The following GRID2 variants were observed in gnomAD, a reference collection of about 807,000 sequenced individuals.
GRID2 encodes the protein glutamate ionotropic receptor delta type subunit 2.
A neutral mutation model predicts 114.8 loss-of-function variants in GRID2; 33 were observed. The observed-to-expected ratio is 0.29, with a 90% confidence interval of 0.22 to 0.38. The LOEUF (loss-of-function observed/expected upper bound fraction) is 0.38. Ranked by LOEUF, GRID2 falls within the 10% of genes least tolerant of loss-of-function variation. GRID2 has a pLI of 1.00. For missense variants in GRID2, 1,184 were observed against 1,257.7 expected (o/e 0.94, Z 0.89); for synonymous variants, 505 against 449.9 (o/e 1.12, Z -1.55).
chr4:93,226,289 C>A (rs148064691), intron 7 of GRID2, among the ~76,000 whole-genome samples: 1 of 152,110 alleles, frequency 6.6e-6, no homozygotes, highest in Non-Finnish European at 1.5e-5. Context: ...TTCATCATGA[C>A]GCAAATTTCT....
chr4:93,616,498 G>C (rs1741660100), intron 13 of GRID2, among the ~76,000 whole-genome samples: 1 of 149,186 alleles, frequency 6.7e-6, no homozygotes, highest in East Asian at 2.0e-4. Context: ...AGTGGTCTCA[G>C]ACGAGCTACT....
At chr4:92,849,481 T>TTG (rs1456956641) in intron 2 of GRID2, among the ~76,000 whole-genome samples, 1 of 151,944 alleles carries the variant, frequency 6.6e-6, no homozygotes, top group Admixed American at 6.6e-5. Flanking sequence ...AAGGCATGAC[T>TTG]TGGCTAAAAT....
intron 4 of GRID2, among the ~76,000 whole-genome samples, chr4:93,160,708 C>T (rs1462834377): frequency 1.3e-5 from 2 of 151,694 alleles, no homozygotes; most frequent in Non-Finnish European, 2.9e-5. Flanking sequence ...CATTCTGTAT[C>T]GTGTAGGCAT....
intron 9 of GRID2, among the ~76,000 whole-genome samples, chr4:93,399,032 G>C (rs1327575995): frequency 6.6e-6 from 1 of 151,684 alleles, no homozygotes; most frequent in Non-Finnish European, 1.5e-5. Context: ...ACCCCACCCA[G>C]CAACTCCCGA....
chr4:92,475,605 G>A (rs1722266859), intron 1 of GRID2, among the ~76,000 whole-genome samples: 1 of 151,922 alleles, frequency 6.6e-6, no homozygotes, highest in Non-Finnish European at 1.5e-5. Context: ...TCCAGGTAGA[G>A]AGATGCCTCC....
At chr4:93,213,884 C>T (rs1743869965) in intron 5 of GRID2, among the ~76,000 whole-genome samples, 1 of 151,954 alleles carries the variant, frequency 6.6e-6, no homozygotes, top group African/African-American at 2.4e-5. Context: ...AATATTTTGT[C>T]GGACATATTG....
intron 4 of GRID2, among the ~76,000 whole-genome samples, chr4:93,152,662 C>T (rs763004076): frequency 3.3e-5 from 5 of 152,114 alleles, no homozygotes; most frequent in East Asian, 1.9e-4. Context: ...TGTCATGAGC[C>T]GTGATAGTAA....
intron 2 of GRID2, among the ~76,000 whole-genome samples, chr4:93,047,883 C>A (rs6811095): frequency 0.47 from 69,888 of 147,294 alleles, 17,065 homozygotes; most frequent in African/African-American, 0.61. Context: ...AACAAACAAA[C>A]AAAAAAAACA....
chr4:93,560,858 G>T (rs1238173770), intron 13 of GRID2, among the ~76,000 whole-genome samples: 3 of 151,460 alleles, frequency 2.0e-5, no homozygotes, highest in Non-Finnish European at 4.4e-5. Context: ...TTTACCCACG[G>T]TTTCTATTTT....
intron 2 of GRID2, among the ~76,000 whole-genome samples, chr4:92,968,804 A>G (rs894858886): frequency 2.6e-5 from 4 of 151,754 alleles, no homozygotes; most frequent in African/African-American, 9.7e-5. Flanking sequence ...TCTATTATGT[A>G]TTTGTGGTCT....
chr4:92,922,964 T>G (rs1749489399), intron 2 of GRID2, among the ~76,000 whole-genome samples: 1 of 152,224 alleles, frequency 6.6e-6, no homozygotes, highest in African/African-American at 2.4e-5. Context: ...TTCTGTGCAC[T>G]TGCTATGCTG....
chr4:92,803,836 A>G (rs1271491512), intron 2 of GRID2, among the ~76,000 whole-genome samples: 2 of 152,168 alleles, frequency 1.3e-5, no homozygotes, highest in Non-Finnish European at 2.9e-5. Context: ...TCAAATGACA[A>G]TGAGACTTTA....
At chr4:92,599,574 T>C (rs1470767771) in intron 2 of GRID2, among the ~76,000 whole-genome samples, 1 of 152,170 alleles carries the variant, frequency 6.6e-6, no homozygotes, top group African/African-American at 2.4e-5. Flanking sequence ...ACACATGATA[T>C]CATGTTATTT....
chr4:92,857,525 A>T (rs1442914360), intron 2 of GRID2, among the ~76,000 whole-genome samples: 1 of 152,222 alleles, frequency 6.6e-6, no homozygotes, highest in Non-Finnish European at 1.5e-5. Flanking sequence ...TCAAAGCCCT[A>T]ATGCAGAGCA....
chr4:93,340,644 A>G (rs1203189270), intron 8 of GRID2, among the ~76,000 whole-genome samples: 2 of 152,156 alleles, frequency 1.3e-5, no homozygotes. Flanking sequence ...GTGATGCACT[A>G]CACACTGTTC....
At chr4:93,265,572 T>TGGTCA (rs1437352897) in intron 8 of GRID2, among the ~76,000 whole-genome samples, 1 of 152,210 alleles carries the variant, frequency 6.6e-6, no homozygotes, top group African/African-American at 2.4e-5. Flanking sequence ...GGCATATTTC[T>TGGTCA]GGTCAGAGAA....
chr4:92,769,349 G>T (rs1264350525), intron 2 of GRID2, among the ~76,000 whole-genome samples: 1 of 152,182 alleles, frequency 6.6e-6, no homozygotes, highest in Non-Finnish European at 1.5e-5. Flanking sequence ...CCTCTCACCT[G>T]CTTTCATGGG....
chr4:93,457,627 G>T (rs1263125182), intron 11 of GRID2, among the ~76,000 whole-genome samples: 3 of 152,132 alleles, frequency 2.0e-5, no homozygotes, highest in African/African-American at 7.2e-5. Context: ...GATGTGGCTT[G>T]CTCAAAGGTA....
At chr4:93,484,484 T>G (rs1726185294) in intron 11 of GRID2, among the ~76,000 whole-genome samples, 2 of 151,916 alleles carry the variant, frequency 1.3e-5, no homozygotes, top group Admixed American at 1.3e-4. Context: ...TGAATGAAAT[T>G]TAACAGAGTT....
Sources: gnomAD v4.1 joint callset for allele counts (sites outside exome capture counted in the v4.1 genomes callset) on GRCh38, gnomAD v4.1.1 for gene constraint, MANE v1.5 for transcripts, NCBI Gene and HGNC (gene_info 2026-07-23, HGNC 2026-07-21) for gene names.